Variants in GRK5 observed in about 807,000 individuals in gnomAD.
The protein encoded by GRK5 is G protein-coupled receptor kinase 5.
A neutral mutation model predicts 78.4 loss-of-function variants in GRK5; 40 were observed. That is an observed-to-expected ratio of 0.51 (90% CI 0.40 to 0.66). GRK5 has a LOEUF of 0.66. Among genes scored for constraint, GRK5 ranks in the 30% least tolerant of loss-of-function variants. The pLI, the probability that GRK5 is intolerant of heterozygous loss-of-function variation, is 0.00. For synonymous variants in GRK5, 289 were observed against 296.8 expected (o/e 0.97, Z 0.27); for missense variants, 598 against 759.9 (o/e 0.79, Z 2.50).
intron 1 of GRK5, among the ~76,000 whole-genome samples, chr10:119,298,480 A>G (rs1479914280): frequency 6.6e-6 from 1 of 152,144 alleles, no homozygotes; most frequent in Non-Finnish European, 1.5e-5. Context: ...ATCTCTCTTG[A>G]TGCCATTGAC....
At chr10:119,254,591 G>C (rs34578277) in intron 1 of GRK5, among the ~76,000 whole-genome samples, 20,145 of 151,918 alleles carry the variant, frequency 0.13, 1,421 homozygotes, top group Middle Eastern at 0.17. Flanking sequence ...GGAGTTGATG[G>C]CTGGGGCACG....
At chr10:119,324,495 G>A (rs72835733) in intron 1 of GRK5, among the ~76,000 whole-genome samples, 1,845 of 152,316 alleles carry the variant, frequency 0.012, 21 homozygotes, top group Middle Eastern at 0.027. Flanking sequence ...GGGTGCGGTG[G>A]TGCACATCTG....
intron 1 of GRK5, among the ~76,000 whole-genome samples, chr10:119,212,070 C>T (rs2133696259): frequency 6.6e-6 from 1 of 152,300 alleles, no homozygotes; most frequent in South Asian, 2.1e-4. Flanking sequence ...TACCAAGCGA[C>T]AGCTTTCATC....
At chr10:119,285,665 A>G (rs2133695293) in intron 1 of GRK5, among the ~76,000 whole-genome samples, 1 of 152,276 alleles carries the variant, frequency 6.6e-6, no homozygotes, top group East Asian at 1.9e-4. Context: ...AAAAGCCCGC[A>G]CTGGGTGATG....
intron 4 of GRK5, among the ~76,000 whole-genome samples, chr10:119,414,504 A>G (rs1852407319): frequency 6.6e-6 from 1 of 152,212 alleles, no homozygotes. Flanking sequence ...TTGTTCCTCA[A>G]CACCACATCC....
intron 1 of GRK5, among the ~76,000 whole-genome samples, chr10:119,214,077 C>T (rs1411047628): frequency 1.3e-5 from 2 of 152,190 alleles, no homozygotes; most frequent in South Asian, 2.1e-4. Flanking sequence ...CAGGTTCAAG[C>T]GATTCTCCTG....
At chr10:119,301,452 G>GGGT (rs1466656412) in intron 1 of GRK5, among the ~76,000 whole-genome samples, 2 of 152,194 alleles carry the variant, frequency 1.3e-5, no homozygotes, top group African/African-American at 4.8e-5. Flanking sequence ...CACACATAGT[G>GGGT]GGTGTTCACA....
intron 1 of GRK5, among the ~76,000 whole-genome samples, chr10:119,225,490 A>AGAGGTTG (rs998997282): frequency 3.9e-5 from 6 of 152,064 alleles, no homozygotes; most frequent in Non-Finnish European, 8.8e-5. Context: ...ATACGGGGGA[A>AGAGGTTG]GAGGTTGGGA....
intron 4 of GRK5, among the ~76,000 whole-genome samples, chr10:119,403,815 T>C (rs541469119): frequency 5.3e-5 from 8 of 152,202 alleles, no homozygotes; most frequent in African/African-American, 1.9e-4. Context: ...TGTATTGTTA[T>C]TAGAGATGGG....
In GRK5 at chr10:119,211,550, C is replaced by T. The variant is rs545055910; in HGVS notation, c.52+3581C>T. ...TGCAAGGCCCCGCTTTTCCTTTCTT[C>T]ACAGGCCAGCAGTAGCCATATCTGA... is the stretch of plus-strand genomic sequence containing the variant. On this transcript the variant is annotated intron_variant, in intron 1 of 15. Coordinates refer to ENST00000392870, the MANE Select transcript of GRK5 (RefSeq NM_005308.3). 4.6e-5 allele frequency: 7 copies of T among 152,274 alleles called. No individual in the cohort carries two copies. In the East Asian group the frequency reaches 1.3e-3, roughly 29 times the overall value. The allele number at this position is 152,274 out of a possible 1,614,324, so 9.4% of individuals were successfully genotyped here. A position where few individuals can be genotyped will look rare whatever the true frequency, so the allele number is the denominator to read the frequency against.
At position 119,430,831 on chromosome 10, in the gene GRK5, G is replaced by A. The variant is rs368440515; in HGVS notation, c.597+393G>A. Among the ~76,000 whole-genome samples the A allele has an allele frequency of 1.3e-5, 2 of 152,176 alleles. No individual in the cohort carries two copies. Among genetic ancestry groups the A allele is most frequent in the African/African-American group, 4.8e-5 (2 of 41,428 alleles). ...TTCGAGATTTCGTTGTACATTACCC[G>A]ATCTTCCCAGCATGTGAGGCAAGCC... On this transcript the variant is annotated intron_variant, in intron 7 of 15. Transcript: ENST00000392870. This position sits in a 1 kb window ranked among gnomAD's most constrained non-coding sequence, Gnocchi z 4.5.
intron 4 of GRK5, among the ~76,000 whole-genome samples, chr10:119,408,163 C>CAAAAAA (rs34029208): frequency 2.7e-5 from 2 of 73,924 alleles, no homozygotes; most frequent in African/African-American, 5.2e-5. Flanking sequence ...AACTCCATCT[C>CAAAAAA]AAAAAAAAAA....
chr10:119,223,170 T>C (rs1284426145), intron 1 of GRK5, among the ~76,000 whole-genome samples: 1 of 152,184 alleles, frequency 6.6e-6, no homozygotes, highest in Non-Finnish European at 1.5e-5. Context: ...TGTTGGTGGC[T>C]GTCTTCTCCC....
intron 2 of GRK5, among the ~76,000 whole-genome samples, chr10:119,354,846 A>T (rs2133802580): frequency 6.6e-6 from 1 of 152,290 alleles, no homozygotes; most frequent in South Asian, 2.1e-4. Flanking sequence ...AACCCTGAGT[A>T]TTGGAAAGGC....
At chr10:119,337,988 T>G (rs1401755084) in intron 2 of GRK5, among the ~76,000 whole-genome samples, 1 of 152,210 alleles carries the variant, frequency 6.6e-6, no homozygotes, top group Non-Finnish European at 1.5e-5. Flanking sequence ...GACCTCATTT[T>G]AACTTGATTA....
At chr10:119,360,687 C>A (rs1851348693) in intron 2 of GRK5, among the ~76,000 whole-genome samples, 1 of 152,210 alleles carries the variant, frequency 6.6e-6, no homozygotes, top group Non-Finnish European at 1.5e-5. Context: ...CCTCTCGCAG[C>A]TCCATGGTCA....
In GRK5 at chr10:119,423,167, C is replaced by A. The variant is rs1207468140; in HGVS notation, c.341C>A (p.Ser114Tyr). The change falls in exon 5 of 16, where the codon TCC becomes TAC. Residue 114 changes from serine to tyrosine, a missense_variant and splice_region_variant. Transcript: ENST00000392870. ...EIMTKYLTPK[S>Y]PVFIAQVGQD... Reference sequence around the variant, plus strand: ...CCTCCCTTCCCTTCCTTCTTCCAGTCCCCTGTTTTCATAGCCCAAGTTGGC... The same window carrying A: ...CCTCCCTTCCCTTCCTTCTTCCAGTACCCTGTTTTCATAGCCCAAGTTGGC... 3 of 1,608,272 alleles carry A rather than the reference C, an allele frequency of 1.9e-6. No homozygotes were observed. In the African/African-American group the frequency reaches 4.0e-5, roughly 21 times the overall value.
At chr10:119,387,586 G>C (rs1163984525) in intron 3 of GRK5, among the ~76,000 whole-genome samples, 1 of 152,222 alleles carries the variant, frequency 6.6e-6, no homozygotes, top group African/African-American at 2.4e-5. Context: ...TTGCCCAGCT[G>C]GTCAGGGGAT....
At chr10:119,441,556 A>C (rs1853035818) in intron 10 of GRK5, among the ~76,000 whole-genome samples, 1 of 152,234 alleles carries the variant, frequency 6.6e-6, no homozygotes, top group Admixed American at 6.5e-5. Context: ...CAATCTCCAG[A>C]GACCAACAAG....
Sources: allele counts gnomAD v4.1 joint callset (sites outside exome capture counted in the v4.1 genomes callset), GRCh38; gene constraint gnomAD v4.1.1; non-coding constraint Gnocchi (gnomAD v3.1); transcripts MANE v1.5; gene names NCBI Gene and HGNC (gene_info 2026-07-23, HGNC 2026-07-21).